TP53I11: variants seen among roughly 807,000 people sequenced by gnomAD.
TP53I11 encodes tumor protein p53 inducible protein 11, also known as tumor protein p53-inducible protein 11.
TP53I11 carries 9 observed loss-of-function variants against 23.3 expected under a neutral mutation model. The observed-to-expected ratio is 0.39, with a 90% confidence interval of 0.23 to 0.67. The LOEUF is 0.67. TP53I11 is among the 30% of genes least tolerant of loss of function. TP53I11 has a pLI of 0.48. For missense variants in TP53I11, 170 were observed against 255.2 expected, an observed-to-expected ratio of 0.67 and a Z score of 2.27; for synonymous variants, 100 against 106.1, an observed-to-expected ratio of 0.94 and a Z score of 0.35.
rs1184890947 is a variant in TP53I11, at chr11:44,938,208, T to G, written c.128A>C (p.Lys43Thr). 6.2e-7 allele frequency: 1 copy of G among 1,612,402 alleles called. No individual in the cohort carries two copies. ...GGAGGCCCCTGCTCTGCACCCCACCTTGGAGCGATGCACCTCCCCGTCGTC... is the reference window on the plus strand; with the variant it reads ...GGAGGCCCCTGCTCTGCACCCCACCGTGGAGCGATGCACCTCCCCGTCGTC... ...EDDDGEVHRS[K>T]ISQVLGNEIK... The change falls in exon 2 of 7, where the codon AAG (lysine) becomes ACG (threonine). Residue 43 changes from lysine to threonine, a missense_variant and splice_region_variant. Physicochemically the swap from Lys to Thr is moderately conservative, Grantham distance 78. Coordinates refer to ENST00000525680, the MANE Select transcript of TP53I11 (RefSeq NM_006034.5).
intron 1 of TP53I11, among the ~76,000 whole-genome samples, chr11:44,950,436 G>C (rs1862836982): frequency 6.6e-6 from 1 of 152,176 alleles, no homozygotes; most frequent in Non-Finnish European, 1.5e-5. Context: ...AGCGCGCAGG[G>C]GAGACGGAAG....
rs144811152 is a variant in TP53I11 at position 44,947,734 on chromosome 11, T to C, written c.-32+2943A>G. The stretch of plus-strand genomic sequence containing the variant: ...TTGTGCTCCATCCTGGCTCTACCAC[T>C]GATGAGCTGTATGCCTTTGGGCCAG... On this transcript the variant is annotated intron_variant, in intron 1 of 6. Transcript: ENST00000525680. Among the ~76,000 whole-genome samples, 625 of 152,316 alleles carry C rather than the reference T, an allele frequency of 4.1e-3. 4 individuals are homozygous for C. Among genetic ancestry groups the C allele is most frequent in the African/African-American group, 0.014 (576 of 41,574 alleles).
chr11:44,947,214 C>A, intron 1 of TP53I11: 1 of 441,726 alleles, frequency 2.3e-6, no homozygotes, highest in Non-Finnish European at 4.5e-6. Flanking sequence ...CGGTCATTCA[C>A]ATGGGCAGAA....
chr11:44,938,187 GC>G lies in TP53I11; in HGVS notation c.129+19del. 1.2e-6 allele frequency: 2 copies of G among 1,606,372 alleles called. No individual in the cohort carries two copies. Among genetic ancestry groups the G allele is most frequent in the South Asian group, 1.1e-5 (1 of 90,032 alleles). Reference sequence around the variant, plus strand: ...CTGGCCTCCCCAGTGGGTGCCGGAGGCCCCTGCTCTGCACCCCACCTTGGAG... The same window carrying G: ...CTGGCCTCCCCAGTGGGTGCCGGAGGCCCTGCTCTGCACCCCACCTTGGAG... On this transcript the variant is annotated intron_variant, in intron 2 of 6. Coordinates refer to ENST00000525680, the MANE Select transcript of TP53I11 (RefSeq NM_006034.5).
chr11:44,948,989 C>A (rs547143404), intron 1 of TP53I11, among the ~76,000 whole-genome samples: 1 of 152,326 alleles, frequency 6.6e-6, no homozygotes, highest in South Asian at 2.1e-4. Flanking sequence ...TCGGCCTTAG[C>A]CCTCCACTCC....
Position 44,936,862 on chromosome 11 carries a change from A to G in TP53I11, c.275T>C (p.Phe92Ser). The G allele has an allele frequency of 6.2e-7, 1 of 1,609,778 alleles. No individual in the cohort carries two copies. The highest frequency in any genetic ancestry group is 8.5e-7 in the Non-Finnish European group (1 of 1,178,578). The change falls in exon 5 of 7, where the codon TTT becomes TCT. Residue 92 changes from phenylalanine to serine, a missense_variant. Transcript: ENST00000525680. The surrounding 1 kb of genome is among the most constrained non-coding windows in gnomAD (Gnocchi z 4.4). The part of the protein sequence containing the change: ...AFPDQLYDAV[F>S]DGAQVTSKTP... ...CTTGCTGGTCACCTGGGCTCCATCA[A>G]AGACCGCATCATAGAGCTGGTCAGG...
chr11:44,936,236 A>G lies in TP53I11; in HGVS notation c.334+567T>C. On this transcript the variant is annotated intron_variant, in intron 5 of 6. Coordinates refer to ENST00000525680, the MANE Select transcript of TP53I11 (RefSeq NM_006034.5). The surrounding 1 kb of genome is among the most constrained non-coding windows in gnomAD (Gnocchi z 4.4). ...ATGCCACTGGGTGTGCATTTATTTTATTCCAGCAACCCTAACTCCAGAGGA... is the reference window on the plus strand; with the variant it reads ...ATGCCACTGGGTGTGCATTTATTTTGTTCCAGCAACCCTAACTCCAGAGGA... 9.6e-7 allele frequency: 1 copy of G among 1,041,450 alleles called. No individual in the cohort carries two copies. The highest frequency in any genetic ancestry group is 7.8e-5 in the East Asian group (1 of 12,796). 64.5% of individuals were successfully genotyped at this position (1,041,450 alleles called of 1,614,324 possible). A position where few individuals can be genotyped will look rare whatever the true frequency, so the allele number is the denominator to read the frequency against.
chr11:44,939,028 C>G (rs1369825605), intron 1 of TP53I11: 4 of 152,458 alleles, frequency 2.6e-5, no homozygotes, highest in Admixed American at 2.0e-4. Context: ...CAGCCCCTCC[C>G]GGCACCCCAG....
chr11:44,942,068 CCA>C (rs1476333997), intron 1 of TP53I11, among the ~76,000 whole-genome samples: 10 of 7,976 alleles, frequency 1.3e-3, no homozygotes, highest in Admixed American at 0.012. Context: ...CACACACATA[CCA>C]CACACACACC....
intron 1 of TP53I11, chr11:44,940,853 T>C (rs1405814403): frequency 6.6e-6 from 1 of 152,270 alleles, no homozygotes; most frequent in Non-Finnish European, 1.5e-5. Flanking sequence ...CCACTGCGTG[T>C]CCCTGGCAAT....
At chr11:44,946,202 C>G (rs1017477040) in intron 1 of TP53I11, among the ~76,000 whole-genome samples, 1 of 152,224 alleles carries the variant, frequency 6.6e-6, no homozygotes, top group Admixed American at 6.5e-5. Flanking sequence ...AGCGGCTGCA[C>G]TACTGACATC....
At position 44,944,859 on chromosome 11, in the gene TP53I11, C is replaced by T. The variant is rs112298559; in HGVS notation, c.-32+5818G>A. On this transcript the variant is annotated intron_variant, in intron 1 of 6. Transcript: ENST00000525680. ...GAATAAGGTGGCTGCCCAGGCTCTGCCCTGGCCAGATCAGATGGGACTGAG... is the reference window on the plus strand; with the variant it reads ...GAATAAGGTGGCTGCCCAGGCTCTGTCCTGGCCAGATCAGATGGGACTGAG... 2.5e-3 allele frequency among the ~76,000 whole-genome samples: 385 copies of T among 152,214 alleles called. 2 individuals carry two copies. The highest frequency in any genetic ancestry group is 7.3e-3 in the African/African-American group (304 of 41,568).
intron 1 of TP53I11, among the ~76,000 whole-genome samples, chr11:44,943,982 G>T (rs1862151405): frequency 6.6e-6 from 1 of 152,136 alleles, no homozygotes. Flanking sequence ...GGTGGCATAG[G>T]GCAGGAAAGG....
Position 44,932,996 on chromosome 11 carries a change from A to T in TP53I11, c.*1888T>A. The stretch of plus-strand genomic sequence containing the variant: ...GATGGGGGATTGAGGCTTCGGCCTG[A>T]GGGCACTGCCCATTGGCGGCACCAC... On this transcript the variant is annotated 3_prime_UTR_variant, in exon 7 of 7. Transcript: ENST00000525680. 6.6e-6 allele frequency: 1 copy of T among 152,126 alleles called. No individual in the cohort carries two copies. Among genetic ancestry groups the T allele is most frequent in the Admixed American group, 6.5e-5 (1 of 15,270 alleles). The allele number at this position is 152,126 out of a possible 1,614,324, so 9.4% of individuals were successfully genotyped here. A position where few individuals can be genotyped will look rare whatever the true frequency, so the allele number is the denominator to read the frequency against.
At position 44,934,737 on chromosome 11, in the gene TP53I11, G is replaced by T; in HGVS notation, c.*147C>A. On this transcript the variant is annotated 3_prime_UTR_variant, in exon 7 of 7. Coordinates refer to ENST00000525680, the MANE Select transcript of TP53I11 (RefSeq NM_006034.5). ...TCACAGCACACGGGGTGCCCAGGAGGAAAGGAAGGCCCCCCACCCCCTGCC... is the reference window on the plus strand; with the variant it reads ...TCACAGCACACGGGGTGCCCAGGAGTAAAGGAAGGCCCCCCACCCCCTGCC... 2 of 1,132,178 alleles carry T rather than the reference G, an allele frequency of 1.8e-6. No individual in the cohort carries two copies. Among genetic ancestry groups the T allele is most frequent in the South Asian group, 1.6e-5 (1 of 63,998 alleles). The allele number at this position is 1,132,178 out of a possible 1,614,324, so 70.1% of individuals were successfully genotyped here. A position where few individuals can be genotyped will look rare whatever the true frequency, so the allele number is the denominator to read the frequency against.
rs368470068 is a variant in TP53I11, at chr11:44,936,282, GCAATAGGGAGC to G, written c.334+510_334+520del. 789 of 1,118,772 alleles carry G rather than the reference GCAATAGGGAGC, an allele frequency of 7.1e-4. 2 individuals carry two copies. In the African/African-American group the frequency reaches 0.012, roughly 17 times the overall value. 69.3% of individuals were successfully genotyped at this position (1,118,772 alleles called of 1,614,324 possible). ...GAGGAGCTCAGCCTTTATTCTGTAGGCAATAGGGAGCCATAGAATATTTCGTAGAAATAGAG... is the reference window on the plus strand; with the variant it reads ...GAGGAGCTCAGCCTTTATTCTGTAGGCATAGAATATTTCGTAGAAATAGAG... On this transcript the variant is annotated intron_variant, in intron 5 of 6. Coordinates refer to ENST00000525680, the MANE Select transcript of TP53I11 (RefSeq NM_006034.5). This position sits in a 1 kb window ranked among gnomAD's most constrained non-coding sequence, Gnocchi z 4.4.
In TP53I11 at chr11:44,946,474, G is replaced by A. The variant is rs77200136; in HGVS notation, c.-32+4203C>T. Among the ~76,000 whole-genome samples the A allele has an allele frequency of 4.2e-3, 637 of 152,362 alleles. 8 individuals carry two copies. The highest frequency in any genetic ancestry group is 0.015 in the African/African-American group (603 of 41,584). On this transcript the variant is annotated intron_variant, in intron 1 of 6. Transcript: ENST00000525680. ...CATCACCACTGGGCTCAGTGTCCAGGCTGCTGCAAAGAGTGAGGACAGAGC... is the reference window on the plus strand; with the variant it reads ...CATCACCACTGGGCTCAGTGTCCAGACTGCTGCAAAGAGTGAGGACAGAGC...
chr11:44,949,787 C>T (rs987240399), intron 1 of TP53I11, among the ~76,000 whole-genome samples: 2 of 152,190 alleles, frequency 1.3e-5, no homozygotes, highest in Non-Finnish European at 2.9e-5. Context: ...ACCCTTCCTG[C>T]AGATCGCGCG....
chr11:44,942,250 C>T (rs1861919213), intron 1 of TP53I11, among the ~76,000 whole-genome samples: 1 of 147,358 alleles, frequency 6.8e-6, no homozygotes, highest in Non-Finnish European at 1.5e-5. Flanking sequence ...CACACACACC[C>T]ACACACTACA....
Sources: allele counts gnomAD v4.1 joint callset (sites outside exome capture counted in the v4.1 genomes callset), GRCh38; gene constraint gnomAD v4.1.1; non-coding constraint Gnocchi (gnomAD v3.1); transcripts MANE v1.5; gene names NCBI Gene and HGNC (gene_info 2026-07-23, HGNC 2026-07-21).